MCF2L2: variants seen among roughly 807,000 people sequenced by gnomAD.
MCF2L2 encodes the protein MCF.2 cell line derived transforming sequence-like 2, also known as probable guanine nucleotide exchange factor MCF2L2.
Under a neutral mutation model 150.2 loss-of-function variants are expected in MCF2L2, and 102 were observed. The ratio of observed to expected loss-of-function variants is 0.68; its 90% confidence interval spans 0.58 to 0.80. The LOEUF is 0.80. MCF2L2 is among the 30% of genes least tolerant of loss of function. The pLI is 0.00. For synonymous variants in MCF2L2, 465 were observed against 491.3 expected, an observed-to-expected ratio of 0.95 and a Z score of 0.71; for missense variants, 1,256 against 1,372.8, an observed-to-expected ratio of 0.91 and a Z score of 1.34.
At chr3:183,379,741 T>C (rs1484718042) in intron 2 of MCF2L2, among the ~76,000 whole-genome samples, 6 of 152,316 alleles carry the variant, frequency 3.9e-5, no homozygotes, top group Middle Eastern at 3.4e-3. Flanking sequence ...AGTCAGTAAA[T>C]GTCAAAAGTA....
intron 10 of MCF2L2, among the ~76,000 whole-genome samples, chr3:183,302,652 C>A (rs1391900974): frequency 1.3e-5 from 2 of 152,162 alleles, no homozygotes; most frequent in East Asian, 3.9e-4. Flanking sequence ...GGAATCCAGC[C>A]GAGAGATACG....
At chr3:183,194,828 C>A (rs1019457590) in intron 26 of MCF2L2, among the ~76,000 whole-genome samples, 2 of 152,148 alleles carry the variant, frequency 1.3e-5, no homozygotes, top group Non-Finnish European at 2.9e-5. Context: ...GTCACAGAGG[C>A]TAGAGTGCAG....
intron 9 of MCF2L2, chr3:183,310,699 A>G: frequency 1.9e-6 from 1 of 538,928 alleles, no homozygotes; most frequent in Non-Finnish European, 3.3e-6. Context: ...CTGAAATGCC[A>G]TGTACATCAA....
intron 3 of MCF2L2, among the ~76,000 whole-genome samples, chr3:183,369,331 C>A (rs1239859470): frequency 6.6e-6 from 1 of 152,150 alleles, no homozygotes; most frequent in African/African-American, 2.4e-5. Context: ...CACTGCTTCT[C>A]CTTTTTTGCC....
In MCF2L2 at chr3:183,267,935, G is replaced by A. The variant is rs1726321058; in HGVS notation, c.1862+8937C>T. Among the ~76,000 whole-genome samples, 1 of 152,194 alleles carries A rather than the reference G, an allele frequency of 6.6e-6. No homozygotes were observed. Among genetic ancestry groups the A allele is most frequent in the African/African-American group, 2.4e-5 (1 of 41,430 alleles). On this transcript the variant is annotated intron_variant, in intron 15 of 29. Coordinates refer to ENST00000328913, the MANE Select transcript of MCF2L2 (RefSeq NM_015078.4). This position sits in a 1 kb window ranked among gnomAD's most constrained non-coding sequence, Gnocchi z 5.5. The stretch of plus-strand genomic sequence containing the variant: ...AACATTTGGGGAATGCCTACCAGGG[G>A]TCACACACTGAGCTGGATGCTGAGT...
At chr3:183,313,943 G>C (rs2108511838) in intron 7 of MCF2L2, among the ~76,000 whole-genome samples, 1 of 152,324 alleles carries the variant, frequency 6.6e-6, no homozygotes, top group South Asian at 2.1e-4. Context: ...CGTTGTGCGT[G>C]TGCCCTGAGC....
chr3:183,292,699 A>G (rs1287141388), intron 13 of MCF2L2, among the ~76,000 whole-genome samples: 1 of 152,220 alleles, frequency 6.6e-6, no homozygotes, highest in Non-Finnish European at 1.5e-5. Context: ...ATTTATGATA[A>G]GAATAGCACA....
chr3:183,244,958 T>C (rs1335683242), intron 15 of MCF2L2, among the ~76,000 whole-genome samples: 4 of 151,608 alleles, frequency 2.6e-5, no homozygotes, highest in Admixed American at 6.6e-5. Flanking sequence ...ACACAGGGTT[T>C]CAAGAAACTG....
intron 26 of MCF2L2, 130 bp from the exon 27 acceptor site, chr3:183,193,226 C>T: frequency 1.4e-6 from 1 of 708,300 alleles, no homozygotes; most frequent in Non-Finnish European, 2.5e-6. Flanking sequence ...TGCTGCTCCT[C>T]CCTCACCTGT....
chr3:183,179,255 C>G lies in MCF2L2; in HGVS notation c.*125G>C. The stretch of plus-strand genomic sequence containing the variant: ...TCCTCGGAGGAGGCCCTGGTTGTCC[C>G]CTTTCTGCCGCCGCCGAGGCTCCGG... On this transcript the variant is annotated 3_prime_UTR_variant, in exon 30 of 30. Coordinates refer to ENST00000328913, the MANE Select transcript of MCF2L2 (RefSeq NM_015078.4). The surrounding 1 kb of genome is among the most constrained non-coding windows in gnomAD (Gnocchi z 4.2). 7.7e-7 allele frequency: 1 copy of G among 1,302,262 alleles called. No individual in the cohort carries two copies. Among genetic ancestry groups the G allele is most frequent in the Non-Finnish European group, 9.9e-7 (1 of 1,014,012 alleles). 80.7% of individuals were successfully genotyped at this position (1,302,262 alleles called of 1,614,324 possible). A position where few individuals can be genotyped will look rare whatever the true frequency, so the allele number is the denominator to read the frequency against.
intron 1 of MCF2L2, among the ~76,000 whole-genome samples, chr3:183,420,341 C>G (rs1006753285): frequency 6.6e-6 from 1 of 152,224 alleles, no homozygotes; most frequent in African/African-American, 2.4e-5. Context: ...GTGGCTCATG[C>G]CTGTAATCCC....
chr3:183,192,114 G>A (rs1342871058), intron 27 of MCF2L2, among the ~76,000 whole-genome samples: 2 of 150,362 alleles, frequency 1.3e-5, no homozygotes, highest in African/African-American at 4.9e-5. Context: ...CTCCCAAAGT[G>A]CCGGGATTAC....
intron 3 of MCF2L2, among the ~76,000 whole-genome samples, chr3:183,362,736 T>C (rs6786692): frequency 0.3 from 44,886 of 151,948 alleles, 9,457 homozygotes; most frequent in African/African-American, 0.59. Flanking sequence ...ACTAGAAATC[T>C]TGTAAACCAC....
chr3:183,216,581 T>TA (rs1183230579), intron 21 of MCF2L2, among the ~76,000 whole-genome samples: 5 of 1,380 alleles, frequency 3.6e-3, no homozygotes, highest in Non-Finnish European at 8.1e-3. Flanking sequence ...TATATATATA[T>TA]TTTTTTTTTT....
chr3:183,358,799 T>A (rs1004869715), intron 3 of MCF2L2, among the ~76,000 whole-genome samples: 3 of 151,268 alleles, frequency 2.0e-5, no homozygotes, highest in Admixed American at 2.0e-4. Flanking sequence ...ATTTTTTTTT[T>A]ATCTTTGTAG....
intron 25 of MCF2L2, among the ~76,000 whole-genome samples, chr3:183,196,083 AG>A (rs1722073795): frequency 6.6e-6 from 1 of 152,082 alleles, no homozygotes; most frequent in Non-Finnish European, 1.5e-5. Context: ...GCCACAGCTG[AG>A]GAGCTTGTCC....
At chr3:183,330,819 C>A (rs1176956296) in intron 5 of MCF2L2, among the ~76,000 whole-genome samples, 1 of 152,040 alleles carries the variant, frequency 6.6e-6, no homozygotes, top group Non-Finnish European at 1.5e-5. Flanking sequence ...GTAAAACTGG[C>A]CTTAAAACAT....
At position 183,219,928 on chromosome 3, in the gene MCF2L2, C is replaced by T; in HGVS notation, c.2302-4G>A. 6.2e-7 allele frequency: 1 copy of T among 1,608,636 alleles called. No homozygotes were observed. The highest frequency in any genetic ancestry group is 8.5e-7 in the Non-Finnish European group (1 of 1,176,194). ...GAGACTCGAAATCCAGCAGACCCTG[C>T]ATTAACCCAAAAGTCTTGTTGAAAA... On this transcript the variant is annotated splice_polypyrimidine_tract_variant and splice_region_variant and intron_variant, in intron 20 of 29. Coordinates refer to ENST00000328913, the MANE Select transcript of MCF2L2 (RefSeq NM_015078.4).
chr3:183,387,116 T>C (rs1713874904), intron 2 of MCF2L2, among the ~76,000 whole-genome samples: 1 of 151,846 alleles, frequency 6.6e-6, no homozygotes, highest in African/African-American at 2.4e-5. Flanking sequence ...ATTTTGGGCA[T>C]GATGGTGTGC....
Sources: allele counts gnomAD v4.1 joint callset (sites outside exome capture counted in the v4.1 genomes callset), GRCh38; gene constraint gnomAD v4.1.1; non-coding constraint Gnocchi (gnomAD v3.1); transcripts MANE v1.5; gene names NCBI Gene and HGNC (gene_info 2026-07-23, HGNC 2026-07-21).